C10orf67: variants seen among roughly 807,000 people sequenced by gnomAD.
C10orf67 encodes the protein uncharacterized protein C10orf67, mitochondrial.
C10orf67 carries 60 observed loss-of-function variants against 35.6 expected under a neutral mutation model. That is an observed-to-expected ratio of 1.68 (90% CI 1.37 to 2.09). The LOEUF is 2.09. C10orf67 is among the 30% of genes most tolerant of loss of function. C10orf67 has a pLI of 0.00. For missense variants in C10orf67, 474 were observed against 330.2 expected (o/e 1.44, Z -3.38); for synonymous variants, 167 against 115.8 (o/e 1.44, Z -2.84).
chr10:23,341,365 C>A (rs763851104), intron 1 of C10orf67, among the ~76,000 whole-genome samples: 3 of 152,180 alleles, frequency 2.0e-5, no homozygotes, highest in African/African-American at 7.2e-5. Context: ...CCTCCCCATC[C>A]GGGTTACTGG....
intron 15 of C10orf67, among the ~76,000 whole-genome samples, chr10:23,221,407 C>A (rs1841577399): frequency 6.6e-6 from 1 of 152,146 alleles, no homozygotes; most frequent in Admixed American, 6.5e-5. Context: ...CAAACCATAT[C>A]AATATCTAAT....
intron 8 of C10orf67, among the ~76,000 whole-genome samples, chr10:23,277,881 A>G (rs1460711001): frequency 6.6e-6 from 1 of 152,180 alleles, no homozygotes; most frequent in African/African-American, 2.4e-5. Flanking sequence ...CACGCTGTAC[A>G]GGAAGCACAG....
intron 15 of C10orf67, among the ~76,000 whole-genome samples, chr10:23,217,342 ATATACAAGGATGTC>A (rs1841458402): frequency 6.6e-6 from 1 of 152,236 alleles, no homozygotes; most frequent in South Asian, 2.1e-4. Flanking sequence ...GGTACCTTTC[ATATACAAGGATGTC>A]ATGTCAAACT....
intron 13 of C10orf67, among the ~76,000 whole-genome samples, chr10:23,235,465 G>A (rs1470850435): frequency 1.3e-5 from 2 of 152,154 alleles, no homozygotes; most frequent in African/African-American, 4.8e-5. Flanking sequence ...ATAACAAAAT[G>A]CTACAATTCA....
chr10:23,274,192 C>T (rs1237168842), intron 8 of C10orf67, among the ~76,000 whole-genome samples: 2 of 152,136 alleles, frequency 1.3e-5, no homozygotes, highest in African/African-American at 4.8e-5. Flanking sequence ...AGCAAGATCA[C>T]AAGGCAAGGG....
chr10:23,237,546 A>C (rs1219224185), intron 13 of C10orf67, among the ~76,000 whole-genome samples: 2 of 152,172 alleles, frequency 1.3e-5, no homozygotes, highest in Non-Finnish European at 2.9e-5. Context: ...TGGATAAACA[A>C]ATTATGGTTT....
chr10:23,334,014 C>T (rs1016263653), intron 1 of C10orf67, among the ~76,000 whole-genome samples: 2 of 152,048 alleles, frequency 1.3e-5, no homozygotes, highest in Non-Finnish European at 1.5e-5. Context: ...TTAACACATA[C>T]CTGATTTATC....
intron 8 of C10orf67, among the ~76,000 whole-genome samples, chr10:23,272,492 C>T (rs147844218): frequency 6.6e-6 from 1 of 152,312 alleles, no homozygotes; most frequent in African/African-American, 2.4e-5. Context: ...GAAATCAATT[C>T]ATTATATATG....
chr10:23,307,573 A>G (rs1381434970), intron 4 of C10orf67, among the ~76,000 whole-genome samples: 1 of 151,056 alleles, frequency 6.6e-6, no homozygotes, highest in East Asian at 1.9e-4. Flanking sequence ...AGCTTTTAAA[A>G]TTTTGTGATT....
chr10:23,273,494 T>C (rs1843088096), intron 8 of C10orf67, among the ~76,000 whole-genome samples: 1 of 152,210 alleles, frequency 6.6e-6, no homozygotes, highest in African/African-American at 2.4e-5. Flanking sequence ...ACTCAAGGCC[T>C]TAAAAAATCT....
intron 5 of C10orf67, among the ~76,000 whole-genome samples, chr10:23,300,792 A>G (rs1844047816): frequency 6.6e-6 from 1 of 152,160 alleles, no homozygotes; most frequent in African/African-American, 2.4e-5. Flanking sequence ...TACACTGGGA[A>G]TTGCCTGCTG....
intron 13 of C10orf67, among the ~76,000 whole-genome samples, chr10:23,238,088 G>C (rs544685442): frequency 1.3e-5 from 2 of 152,300 alleles, no homozygotes; most frequent in African/African-American, 4.8e-5. Flanking sequence ...AGATGGACCA[G>C]TCTGTCACCT....
At chr10:23,315,732 C>G (rs568652010) in intron 4 of C10orf67, among the ~76,000 whole-genome samples, 1 of 152,186 alleles carries the variant, frequency 6.6e-6, no homozygotes, top group Admixed American at 6.5e-5. Context: ...TGAGCCTGGC[C>G]AAAAGCATGT....
chr10:23,324,382 G>T (rs1388063991), intron 2 of C10orf67, among the ~76,000 whole-genome samples: 2 of 151,940 alleles, frequency 1.3e-5, no homozygotes, highest in African/African-American at 4.8e-5. Context: ...GGGGTCCTTT[G>T]TTCTTCCAGA....
intron 1 of C10orf67, among the ~76,000 whole-genome samples, chr10:23,334,919 T>G (rs1845617462): frequency 6.6e-6 from 1 of 152,186 alleles, no homozygotes; most frequent in Non-Finnish European, 1.5e-5. Flanking sequence ...TTGGGCGCAG[T>G]GGCTCATGCC....
intron 4 of C10orf67, chr10:23,317,615 A>T (rs1238264741): frequency 1.3e-5 from 2 of 152,140 alleles, no homozygotes; most frequent in African/African-American, 2.4e-5. Context: ...AAGTGACAAA[A>T]AATATTTATT....
In C10orf67 at chr10:23,303,456, A is replaced by G. The variant is rs1298116069; in HGVS notation, c.550T>C (p.Phe184Leu). Reference protein sequence around the residue: ...IAVIKGMYQQFFEVEEENVSL... With the variant: ...IAVIKGMYQQLFEVEEENVSL... ...ACATTCTCTTCTTCTACCTCAAAGA[A>G]TTGCTAGGGACAAAAAAAAGCAGCA... Residue 184 changes from phenylalanine (F) to leucine (L), a missense_variant, in exon 5 of 16, where the codon TTC becomes CTC. Coordinates refer to ENST00000636213, the MANE Select transcript of C10orf67 (RefSeq NM_001371909.1). The G allele has an allele frequency of 1.3e-5, 7 of 557,156 alleles. No individual in the cohort carries two copies. Among genetic ancestry groups the G allele is most frequent in the Non-Finnish European group, 2.3e-5 (7 of 308,702 alleles). The allele number at this position is 557,156 out of a possible 1,614,324, so 34.5% of individuals were successfully genotyped here. A position where few individuals can be genotyped will look rare whatever the true frequency, so the allele number is the denominator to read the frequency against.
intron 15 of C10orf67, among the ~76,000 whole-genome samples, chr10:23,205,277 C>CTA (rs1841126987): frequency 6.6e-6 from 1 of 152,160 alleles, no homozygotes; most frequent in Non-Finnish European, 1.5e-5. Flanking sequence ...ATGTCCAATG[C>CTA]TACACACTGC....
In C10orf67 at chr10:23,277,572, AAC is replaced by A; in HGVS notation, c.975+4439_975+4440del. On this transcript the variant is annotated intron_variant, in intron 8 of 15. Transcript: ENST00000636213. ...ACTCCAAAAAAAAAAAAAAAATAAT[AAC>A]ACACACACGTATACAAAATACACAC... is the stretch of plus-strand genomic sequence containing the variant. Among the ~76,000 whole-genome samples the A allele has an allele frequency of 2.6e-5, 4 of 151,802 alleles. 1 individual carries two copies. Among genetic ancestry groups the A allele is most frequent in the African/African-American group, 9.7e-5 (4 of 41,448 alleles).
Sources: gnomAD v4.1 joint callset for allele counts (sites outside exome capture counted in the v4.1 genomes callset) on GRCh38, gnomAD v4.1.1 for gene constraint, MANE v1.5 for transcripts, NCBI Gene and HGNC (gene_info 2026-07-23, HGNC 2026-07-21) for gene names.